YWHAQ: variants seen among roughly 807,000 people sequenced by gnomAD.
The protein encoded by YWHAQ is tyrosine 3-monooxygenase/tryptophan 5-monooxygenase activation protein theta.
In YWHAQ, 6 loss-of-function variants were observed where a neutral mutation model predicts 28.3. That is an observed-to-expected ratio of 0.21 (90% CI 0.12 to 0.42). YWHAQ has a LOEUF of 0.42. Ranked by LOEUF, YWHAQ falls within the 10% of genes least tolerant of loss-of-function variation. The probability of loss-of-function intolerance (pLI) is 1.00; values close to 1 mark genes in which losing one functional copy is unlikely to be tolerated. For missense variants in YWHAQ, 201 were observed against 305.6 expected (o/e 0.66, Z 2.55); for synonymous variants, 143 against 119.1 (o/e 1.20, Z -1.31).
At chr2:9,617,842 C>T (rs1667065430) in intron 2 of YWHAQ, among the ~76,000 whole-genome samples, 1 of 151,608 alleles carries the variant, frequency 6.6e-6, no homozygotes, top group Non-Finnish European at 1.5e-5. Context: ...TAGGAGGATC[C>T]CTTGAGCCCA....
chr2:9,606,394 C>A (rs957642075), intron 2 of YWHAQ, among the ~76,000 whole-genome samples: 2 of 147,284 alleles, frequency 1.4e-5, no homozygotes, highest in Non-Finnish European at 3.0e-5. Flanking sequence ...GGTGAAACCC[C>A]GTCTCTACTA....
At chr2:9,586,134 GACTT>G (rs1324778768) in intron 5 of YWHAQ, among the ~76,000 whole-genome samples, 1 of 152,186 alleles carries the variant, frequency 6.6e-6, no homozygotes, top group Non-Finnish European at 1.5e-5. Context: ...AGGAAAAGCA[GACTT>G]ACTTTGTGTT....
At chr2:9,623,962 G>A (rs1558551842) in intron 2 of YWHAQ, among the ~76,000 whole-genome samples, 1 of 152,054 alleles carries the variant, frequency 6.6e-6, no homozygotes, top group Admixed American at 6.5e-5. Flanking sequence ...CTATGAAGAA[G>A]TGGCACTTTG....
In YWHAQ at chr2:9,630,601, C is replaced by A. The variant is rs1296850126; in HGVS notation, c.-82-67G>T. ...GAGGGAGCGCCGTCAGACAATGCGGCCCGCCGCCCGCTTTTGTCTCCCGCA... is the reference window on the plus strand; with the variant it reads ...GAGGGAGCGCCGTCAGACAATGCGGACCGCCGCCCGCTTTTGTCTCCCGCA... On this transcript the variant is annotated intron_variant, in intron 1 of 5. Coordinates refer to ENST00000238081, the MANE Select transcript of YWHAQ (RefSeq NM_006826.4). This position sits in a 1 kb window ranked among gnomAD's most constrained non-coding sequence, Gnocchi z 5.6. 2 of 709,806 alleles carry A rather than the reference C, an allele frequency of 2.8e-6. No homozygotes were observed. Among genetic ancestry groups the A allele is most frequent in the African/African-American group, 1.9e-5 (1 of 52,650 alleles). The allele number at this position is 709,806 out of a possible 1,614,324, so 44.0% of individuals were successfully genotyped here. A position where few individuals can be genotyped will look rare whatever the true frequency, so the allele number is the denominator to read the frequency against.
At chr2:9,597,896 C>T (rs1248502107) in intron 2 of YWHAQ, among the ~76,000 whole-genome samples, 2 of 150,872 alleles carry the variant, frequency 1.3e-5, no homozygotes, top group African/African-American at 2.4e-5. Flanking sequence ...CTCGGCTCAC[C>T]GCAACCTCTG....
rs1666801852 is a variant in YWHAQ at position 9,605,348 on chromosome 2, A to T, written c.295-13833T>A. Among the ~76,000 whole-genome samples the T allele has an allele frequency of 2.0e-5, 3 of 151,930 alleles. No individual in the cohort carries two copies. In the South Asian group the frequency reaches 6.2e-4, roughly 32 times the overall value. Reference sequence around the variant, plus strand: ...GAGATGGGGTTTTGCCATTTTACCCAGGCTGGTAACTACTGAGCTCAAGTG... The same window carrying T: ...GAGATGGGGTTTTGCCATTTTACCCTGGCTGGTAACTACTGAGCTCAAGTG... On this transcript the variant is annotated intron_variant, in intron 2 of 5. Coordinates refer to ENST00000238081, the MANE Select transcript of YWHAQ (RefSeq NM_006826.4).
Position 9,597,402 on chromosome 2 carries a change from C to G in YWHAQ, c.295-5887G>C, listed in dbSNP as rs1470914943. Among the ~76,000 whole-genome samples, 3 of 152,236 alleles carry G rather than the reference C, an allele frequency of 2.0e-5. No individual in the cohort carries two copies. In the East Asian group the frequency reaches 5.8e-4, roughly 29 times the overall value. ...GTGGCTCACGCCTATAATGCCAGCA[C>G]TTTGGGAGGCCGGGGTGGGCGGATC... On this transcript the variant is annotated intron_variant, in intron 2 of 5. Coordinates refer to ENST00000238081, the MANE Select transcript of YWHAQ (RefSeq NM_006826.4).
At chr2:9,601,854 G>T (rs971248627) in intron 2 of YWHAQ, among the ~76,000 whole-genome samples, 41 of 152,164 alleles carry the variant, frequency 2.7e-4, no homozygotes, top group African/African-American at 8.2e-4. Context: ...TGCTGTGTTG[G>T]CCAGGGTGGT....
At chr2:9,603,722 G>A (rs776135104) in intron 2 of YWHAQ, among the ~76,000 whole-genome samples, 9 of 151,962 alleles carry the variant, frequency 5.9e-5, no homozygotes, top group South Asian at 2.1e-4. Flanking sequence ...TCAGGAGTTC[G>A]AGAGCAGCCT....
intron 3 of YWHAQ, among the ~76,000 whole-genome samples, chr2:9,590,874 A>C (rs1019125556): frequency 2.6e-5 from 4 of 152,220 alleles, no homozygotes; most frequent in African/African-American, 7.2e-5. Flanking sequence ...CAGCAATAAC[A>C]CACTCATTTC....
At chr2:9,604,560 C>T (rs1022927435) in intron 2 of YWHAQ, among the ~76,000 whole-genome samples, 8 of 152,150 alleles carry the variant, frequency 5.3e-5, no homozygotes, top group African/African-American at 1.2e-4. Flanking sequence ...CACTTTTCTA[C>T]GGATTTTTTC....
At chr2:9,616,214 A>C (rs985448479) in intron 2 of YWHAQ, among the ~76,000 whole-genome samples, 2 of 152,186 alleles carry the variant, frequency 1.3e-5, no homozygotes, top group African/African-American at 4.8e-5. Context: ...ATCAAGGATA[A>C]ATGAATTGTT....
chr2:9,585,268 A>G lies in YWHAQ; in HGVS notation c.*18T>C, dbSNP rs191830707. 19 of 1,613,990 alleles carry G rather than the reference A, an allele frequency of 1.2e-5. No homozygotes were observed. The Admixed American group carries it at 1.5e-4, about 13-fold the overall frequency. ...AAAAGGTTTCTTGAAGGAAAGAAGG[A>G]TGACACCCTGTATGGATTTAGTTTT... On this transcript the variant is annotated 3_prime_UTR_variant, in exon 6 of 6. Coordinates refer to ENST00000238081, the MANE Select transcript of YWHAQ (RefSeq NM_006826.4).
chr2:9,628,259 A>C (rs1289623704), intron 2 of YWHAQ, among the ~76,000 whole-genome samples: 1 of 150,994 alleles, frequency 6.6e-6, no homozygotes, highest in East Asian at 1.9e-4. Context: ...TCATCAAACT[A>C]AACTATTCTA....
intron 2 of YWHAQ, among the ~76,000 whole-genome samples, chr2:9,623,882 C>T (rs1275141865): frequency 6.6e-6 from 1 of 152,188 alleles, no homozygotes; most frequent in Non-Finnish European, 1.5e-5. Context: ...ATTTTCACTG[C>T]ATCTAATAGA....
intron 2 of YWHAQ, among the ~76,000 whole-genome samples, chr2:9,597,877 T>C (rs946843353): frequency 1.3e-5 from 2 of 149,604 alleles, no homozygotes; most frequent in African/African-American, 4.9e-5. Flanking sequence ...TGGAGTGCAA[T>C]GGCATGATCT....
intron 2 of YWHAQ, among the ~76,000 whole-genome samples, chr2:9,625,634 A>C (rs1202319356): frequency 3.3e-5 from 5 of 152,152 alleles, no homozygotes; most frequent in Non-Finnish European, 7.4e-5. Flanking sequence ...TAACTTCTTT[A>C]TGCCTCATTT....
intron 2 of YWHAQ, among the ~76,000 whole-genome samples, chr2:9,613,475 G>A (rs985702675): frequency 6.6e-5 from 10 of 152,198 alleles, no homozygotes; most frequent in African/African-American, 2.4e-4. Flanking sequence ...GTAGGCTTAT[G>A]CAATCAAGTG....
intron 2 of YWHAQ, among the ~76,000 whole-genome samples, chr2:9,628,050 G>C (rs983695276): frequency 6.6e-6 from 1 of 152,180 alleles, no homozygotes; most frequent in African/African-American, 2.4e-5. Context: ...TAAATCATCA[G>C]AGGGCAAAAT....
Sources: allele counts gnomAD v4.1 joint callset (sites outside exome capture counted in the v4.1 genomes callset), GRCh38; gene constraint gnomAD v4.1.1; non-coding constraint Gnocchi (gnomAD v3.1); transcripts MANE v1.5; gene names NCBI Gene and HGNC (gene_info 2026-07-23, HGNC 2026-07-21).